Variants in PRR14L observed in about 807,000 individuals in gnomAD.
The protein encoded by PRR14L is protein PRR14L.
A neutral mutation model predicts 155.0 loss-of-function variants in PRR14L; 80 were observed. The observed-to-expected ratio is 0.52, with a 90% CI of 0.43 to 0.62. The LOEUF (loss-of-function observed/expected upper bound fraction) is 0.62. Among genes scored for constraint, PRR14L ranks in the 20% least tolerant of loss-of-function variants. The probability of loss-of-function intolerance (pLI) is 0.00; values close to 1 mark genes in which losing one functional copy is unlikely to be tolerated. For missense variants in PRR14L, 2,469 were observed against 2,548.0 expected (o/e 0.97, Z 0.67); for synonymous variants, 883 against 916.0 (o/e 0.96, Z 0.65).
At position 31,715,575 on chromosome 22, in the gene PRR14L, T is replaced by C. The variant is rs763218033; in HGVS notation, c.2264A>G (p.His755Arg). 3 of 1,552,028 alleles carry C rather than the reference T, an allele frequency of 1.9e-6. No individual in the cohort carries two copies. The highest frequency in any genetic ancestry group is 1.7e-6 in the Non-Finnish European group (2 of 1,147,054). ...TCTCTTATTTGAGCGCAGCCTGGAA[T>C]GTAGAGCTTTTGTTCCTGAATCAGC... is the stretch of plus-strand genomic sequence containing the variant. ...EMADSGTKAL[H>R]SRLRSNKREA... The change falls in exon 4 of 9, where the codon CAT becomes CGT. Residue 755 changes from histidine to arginine, a missense_variant. Transcript: ENST00000327423.
At chr22:31,740,755 A>G (rs1244528827) in intron 1 of PRR14L, among the ~76,000 whole-genome samples, 8 of 152,212 alleles carry the variant, frequency 5.3e-5, no homozygotes, top group African/African-American at 2.4e-5. Context: ...GCGTAACGTT[A>G]TAATACTAAC....
chr22:31,739,640 A>AC (rs2074801843), intron 1 of PRR14L, among the ~76,000 whole-genome samples: 1 of 152,216 alleles, frequency 6.6e-6, no homozygotes, highest in East Asian at 1.9e-4. Context: ...TTAGATCCTA[A>AC]CACCACACCT....
chr22:31,745,152 C>A (rs900669341), intron 1 of PRR14L, among the ~76,000 whole-genome samples: 1 of 152,002 alleles, frequency 6.6e-6, no homozygotes, highest in African/African-American at 2.4e-5. Context: ...ACAAGGCAGG[C>A]GGATCACGAG....
chr22:31,708,064 G>A (rs952916106), intron 4 of PRR14L, among the ~76,000 whole-genome samples: 6 of 151,804 alleles, frequency 4.0e-5, no homozygotes, highest in Admixed American at 2.0e-4. Flanking sequence ...TGGGAGAATC[G>A]CTTGAACCTG....
rs1264411225 is a variant in PRR14L, at chr22:31,688,268, CTCT to C, written c.6108-44_6108-42del. 2.6e-6 allele frequency: 4 copies of C among 1,520,068 alleles called. No homozygotes were observed. In the African/African-American group the frequency reaches 5.6e-5, roughly 21 times the overall value. The allele number at this position is 1,520,068 out of a possible 1,614,324, so 94.2% of individuals were successfully genotyped here. A position where few individuals can be genotyped will look rare whatever the true frequency, so the allele number is the denominator to read the frequency against. On this transcript the variant is annotated intron_variant, in intron 7 of 8. Transcript: ENST00000327423. ...GAAAAAAATTCTTCAGGTTCTCTCTCTCTTTTTTTTTTCAGAGAAGGTCTTGCT... is the reference window on the plus strand; with the variant it reads ...GAAAAAAATTCTTCAGGTTCTCTCTCTTTTTTTTTCAGAGAAGGTCTTGCT...
chr22:31,697,711 C>T (rs906924209), intron 7 of PRR14L, among the ~76,000 whole-genome samples: 3 of 151,780 alleles, frequency 2.0e-5, no homozygotes, highest in Non-Finnish European at 2.9e-5. Context: ...ACTAGAAATA[C>T]AAAAATTAGC....
At position 31,712,934 on chromosome 22, in the gene PRR14L, T is replaced by C; in HGVS notation, c.4905A>G (p.Leu1635=). The C allele has an allele frequency of 1.9e-6, 3 of 1,545,090 alleles. No individual in the cohort carries two copies. Among genetic ancestry groups the C allele is most frequent in the Non-Finnish European group, 8.8e-7 (1 of 1,141,214 alleles). The change falls in exon 4 of 9, where the codon CTA becomes CTG. Residue 1635 remains leucine, a synonymous_variant. Coordinates refer to ENST00000327423, the MANE Select transcript of PRR14L (RefSeq NM_173566.3). ...KLAPAMKTQK[L]RYRRCSSELL... ...GTTCAGAGGAACACCGTCGGTATCT[T>C]AGCTTCTGAGTCTTCATGGCTGGGG...
At chr22:31,710,091 C>T (rs2074613284) in intron 4 of PRR14L, among the ~76,000 whole-genome samples, 1 of 151,970 alleles carries the variant, frequency 6.6e-6, no homozygotes, top group Non-Finnish European at 1.5e-5. Context: ...CAGGCATACA[C>T]CACTATGCCT....
intron 6 of PRR14L, among the ~76,000 whole-genome samples, chr22:31,702,219 TTTTA>T (rs2074566521): frequency 6.6e-6 from 1 of 151,588 alleles, no homozygotes; most frequent in Middle Eastern, 3.2e-3. Context: ...TTCCTGCTTT[TTTTA>T]TTATTTATTT....
At chr22:31,741,252 CAAAAAAAAAA>C (rs139593821) in intron 1 of PRR14L, among the ~76,000 whole-genome samples, 2 of 25,694 alleles carry the variant, frequency 7.8e-5, no homozygotes, top group African/African-American at 1.6e-4. Context: ...GGCTCTGTCT[CAAAAAAAAAA>C]AAAAAAAAAA....
At chr22:31,720,704 C>T (rs1375870616) in intron 3 of PRR14L, among the ~76,000 whole-genome samples, 2 of 152,220 alleles carry the variant, frequency 1.3e-5, no homozygotes, top group African/African-American at 2.4e-5. Context: ...CACTGCACTG[C>T]AGCCTGGGCG....
At chr22:31,693,203 A>G (rs1340426396) in intron 7 of PRR14L, among the ~76,000 whole-genome samples, 2 of 152,196 alleles carry the variant, frequency 1.3e-5, no homozygotes, top group Non-Finnish European at 2.9e-5. Context: ...AGTAACACAC[A>G]TAACAGTTTT....
chr22:31,686,869 A>G (rs2074484732), intron 8 of PRR14L, among the ~76,000 whole-genome samples: 1 of 152,212 alleles, frequency 6.6e-6, no homozygotes, highest in Admixed American at 6.5e-5. Context: ...TATATTCTAG[A>G]AACAGTGGGC....
At chr22:31,729,685 G>A (rs561975864) in intron 2 of PRR14L, among the ~76,000 whole-genome samples, 38 of 152,242 alleles carry the variant, frequency 2.5e-4, no homozygotes, top group Admixed American at 9.2e-4. Flanking sequence ...GATTCCACTT[G>A]AATGATGTAC....
rs370653674 is a variant in PRR14L at position 31,721,485 on chromosome 22, G to A, written c.547+4053C>T. Among the ~76,000 whole-genome samples the A allele has an allele frequency of 2.7e-3, 407 of 151,748 alleles. 2 individuals are homozygous for A. The highest frequency in any genetic ancestry group is 8.4e-3 in the African/African-American group (347 of 41,344). On this transcript the variant is annotated intron_variant, in intron 3 of 8. Transcript: ENST00000327423. The stretch of plus-strand genomic sequence containing the variant: ...CGGGAGACTGAGGCAGGAGAATGGC[G>A]TGAACCCGGGAGGCGGAGTTTGCAG...
chr22:31,733,547 C>T (rs2147873475), intron 2 of PRR14L, among the ~76,000 whole-genome samples: 1 of 152,162 alleles, frequency 6.6e-6, no homozygotes, highest in East Asian at 1.9e-4. Flanking sequence ...TCAGGTGATC[C>T]ACCCGCCTCG....
At chr22:31,694,809 A>T (rs1048560143) in intron 7 of PRR14L, among the ~76,000 whole-genome samples, 2 of 151,010 alleles carry the variant, frequency 1.3e-5, no homozygotes, top group African/African-American at 4.9e-5. Context: ...AAATTAGGCC[A>T]GGTGCGGTGG....
chr22:31,723,915 C>T (rs1320952801), intron 3 of PRR14L, among the ~76,000 whole-genome samples: 4 of 152,196 alleles, frequency 2.6e-5, no homozygotes, highest in South Asian at 2.1e-4. Flanking sequence ...AGAAATCGGG[C>T]GGCACAGCAG....
rs767324055 is a variant in PRR14L, at chr22:31,713,421, T to A, written c.4418A>T (p.His1473Leu). 32 of 1,551,792 alleles carry A rather than the reference T, an allele frequency of 2.1e-5. No homozygotes were observed. The highest frequency in any genetic ancestry group is 1.7e-4 in the Middle Eastern group (1 of 6,016). Residue 1473 changes from histidine (H) to leucine (L), a missense_variant, in exon 4 of 9, where the codon CAT becomes CTT. His to Leu is a moderately conservative substitution (Grantham distance 99). Transcript: ENST00000327423. ...KLEDQKEERL[H>L]HPLRKDTESC... is the part of the protein sequence containing the mutation. ...CTCAGTGTCCTTCCTTAATGGATGA[T>A]GTAACCTTTCCTCCTTCTGGTCTTC...
Sources: gnomAD v4.1 joint callset for allele counts (sites outside exome capture counted in the v4.1 genomes callset) on GRCh38, gnomAD v4.1.1 for gene constraint, MANE v1.5 for transcripts, NCBI Gene and HGNC (gene_info 2026-07-23, HGNC 2026-07-21) for gene names.